SLC14A2: variants seen among roughly 807,000 people sequenced by gnomAD.
SLC14A2 encodes the protein solute carrier family 14 member 2.
SLC14A2 carries 91 observed loss-of-function variants against 104.6 expected under a neutral mutation model. The ratio of observed to expected loss-of-function variants is 0.87; its 90% CI spans 0.73 to 1.04. SLC14A2 has a LOEUF of 1.04. Among genes scored for constraint, SLC14A2 ranks in the 50% least tolerant of loss-of-function variants. The pLI, the probability that SLC14A2 is intolerant of heterozygous loss-of-function variation, is 0.00. For missense variants in SLC14A2, 1,189 were observed against 1,156.0 expected (o/e 1.03, Z -0.41); for synonymous variants, 476 against 466.4 (o/e 1.02, Z -0.27).
chr18:45,518,978 C>T (rs2043479711), intron 2 of SLC14A2, among the ~76,000 whole-genome samples: 1 of 152,176 alleles, frequency 6.6e-6, no homozygotes, highest in African/African-American at 2.4e-5. Flanking sequence ...TAATATAATA[C>T]ACAATCTAAA....
chr18:45,355,501 C>T (rs988919745), intron 1 of SLC14A2, among the ~76,000 whole-genome samples: 3 of 138,262 alleles, frequency 2.2e-5, no homozygotes, highest in Non-Finnish European at 4.5e-5. Context: ...TCACTTGAAC[C>T]GAGGAAGCAG....
At chr18:45,437,507 G>T (rs1359945941) in intron 1 of SLC14A2, among the ~76,000 whole-genome samples, 1 of 152,128 alleles carries the variant, frequency 6.6e-6, no homozygotes, top group Non-Finnish European at 1.5e-5. Flanking sequence ...TTCAAGCCTC[G>T]CATCTGGGAG....
chr18:45,272,634 A>G (rs1272882309), intron 1 of SLC14A2, among the ~76,000 whole-genome samples: 1 of 152,046 alleles, frequency 6.6e-6, no homozygotes, highest in Non-Finnish European at 1.5e-5. Context: ...TGAGGGGTAG[A>G]TGAGGATGGT....
At chr18:45,426,544 A>ATGTG (rs138158754) in intron 1 of SLC14A2, among the ~76,000 whole-genome samples, 6 of 131,150 alleles carry the variant, frequency 4.6e-5, no homozygotes, top group African/African-American at 1.8e-4. Context: ...TGAGATCAGC[A>ATGTG]TGTGTGTGTG....
intron 1 of SLC14A2, among the ~76,000 whole-genome samples, chr18:45,481,755 AG>A (rs1188305435): frequency 6.6e-6 from 1 of 152,192 alleles, no homozygotes; most frequent in Admixed American, 6.5e-5. Context: ...TCCCTTTCAA[AG>A]TTCGTGAAGA....
chr18:45,617,085 A>G (rs1393809002), intron 1 of SLC14A2, among the ~76,000 whole-genome samples: 1 of 152,096 alleles, frequency 6.6e-6, no homozygotes, highest in Non-Finnish European at 1.5e-5. Context: ...GCAACAGTGG[A>G]GACTCCATCT....
intron 1 of SLC14A2, among the ~76,000 whole-genome samples, chr18:45,214,129 C>A (rs1196640974): frequency 1.3e-5 from 2 of 152,108 alleles, no homozygotes; most frequent in African/African-American, 2.4e-5. Flanking sequence ...TAAGCCAAAT[C>A]TTATTGAAGA....
intron 1 of SLC14A2, among the ~76,000 whole-genome samples, chr18:45,256,164 T>A (rs1212060317): frequency 1.3e-5 from 2 of 152,118 alleles, no homozygotes; most frequent in East Asian, 3.9e-4. Flanking sequence ...TTATCTAACA[T>A]TCCCTAGTTA....
chr18:45,587,010 CAG>C lies in SLC14A2; in HGVS notation c.-34-37618_-34-37617del, dbSNP rs2044575839. On this transcript the variant is annotated intron_variant, in intron 2 of 20. Coordinates refer to the SLC14A2 transcript ENST00000586448. Reference sequence around the variant, plus strand: ...TTATTTTAAATTATTTTTTTTGAGACAGAGTCTCACTCAGTCACCCAGGCTGG... The same window carrying C: ...TTATTTTAAATTATTTTTTTTGAGACAGTCTCACTCAGTCACCCAGGCTGG... Among the ~76,000 whole-genome samples, 4 of 151,858 alleles carry C rather than the reference CAG, an allele frequency of 2.6e-5. No homozygotes were observed. In the South Asian group the frequency reaches 8.3e-4, roughly 32 times the overall value.
intron 2 of SLC14A2, among the ~76,000 whole-genome samples, chr18:45,508,745 C>T (rs2043322340): frequency 1.3e-5 from 2 of 152,184 alleles, no homozygotes; most frequent in African/African-American, 4.8e-5. Context: ...CCACTGGAAG[C>T]TGTCTGACAC....
At chr18:45,339,225 A>G (rs1283709821) in intron 1 of SLC14A2, among the ~76,000 whole-genome samples, 1 of 152,116 alleles carries the variant, frequency 6.6e-6, no homozygotes, top group Non-Finnish European at 1.5e-5. Context: ...CTGCCTCCCA[A>G]AGTGCTGGGA....
At chr18:45,513,006 A>C (rs1316754236) in intron 2 of SLC14A2, among the ~76,000 whole-genome samples, 1 of 152,178 alleles carries the variant, frequency 6.6e-6, no homozygotes, top group South Asian at 2.1e-4. Context: ...TTCTGAATAG[A>C]TGGGCCCCAG....
chr18:45,424,317 G>C (rs1251941320), intron 1 of SLC14A2, among the ~76,000 whole-genome samples: 3 of 152,194 alleles, frequency 2.0e-5, no homozygotes, highest in Non-Finnish European at 4.4e-5. Flanking sequence ...AAAGGGGTTG[G>C]TTCTGTAGAG....
intron 2 of SLC14A2, among the ~76,000 whole-genome samples, chr18:45,601,196 A>G (rs560867551): frequency 6.6e-6 from 1 of 152,238 alleles, no homozygotes; most frequent in Non-Finnish European, 1.5e-5. Context: ...GCTTCATTCT[A>G]ACTGGCTACC....
chr18:45,627,108 T>G lies in SLC14A2; in HGVS notation c.482T>G (p.Val161Gly). ...WWTITGGLGTVVSTLTALALG... is the reference protein window; with the variant it reads ...WWTITGGLGTGVSTLTALALG... ...ACAATCACTGGGGGCCTGGGGACAG[T>G]GGTCTCGACCTTAACAGCTCTCGCC... Residue 161 changes from valine (V) to glycine (G), a missense_variant, in exon 4 of 20, where the codon GTG (valine) becomes GGG (glycine). Val to Gly is a moderately radical substitution (Grantham distance 109, BLOSUM62 -3). Transcript: ENST00000255226. 1 of 1,614,130 alleles carries G rather than the reference T, an allele frequency of 6.2e-7. No homozygotes were observed. Among genetic ancestry groups the G allele is most frequent in the Non-Finnish European group, 8.5e-7 (1 of 1,180,022 alleles).
chr18:45,673,588 G>A, intron 17 of SLC14A2, 95 bp from the exon 18 acceptor site: 1 of 1,367,592 alleles, frequency 7.3e-7, no homozygotes, highest in East Asian at 2.3e-5. Context: ...GAAGATAACT[G>A]GCTCCGGGCT....
chr18:45,645,388 C>A (rs2045601936), intron 10 of SLC14A2, among the ~76,000 whole-genome samples: 1 of 151,966 alleles, frequency 6.6e-6, no homozygotes, highest in Non-Finnish European at 1.5e-5. Flanking sequence ...ATCAAACCAG[C>A]ATCTCTAAGC....
chr18:45,225,756 G>A (rs1288183828), intron 1 of SLC14A2, among the ~76,000 whole-genome samples: 1 of 152,132 alleles, frequency 6.6e-6, no homozygotes, highest in Non-Finnish European at 1.5e-5. Flanking sequence ...AAGCAATTGT[G>A]AATGGGAGTT....
chr18:45,183,664 T>C, the SLC14A2 span, among the ~76,000 whole-genome samples: 75 of 152,078 alleles, frequency 4.9e-4, no homozygotes, highest in Non-Finnish European at 9.0e-4. Flanking sequence ...TTTTTCTTTT[T>C]TTCTGTCTTT....
Sources: gnomAD v4.1 joint callset for allele counts (sites outside exome capture counted in the v4.1 genomes callset) on GRCh38, gnomAD v4.1.1 for gene constraint, MANE v1.5 for transcripts, NCBI Gene and HGNC (gene_info 2026-07-23, HGNC 2026-07-21) for gene names.